VEZT: variants seen among roughly 807,000 people sequenced by gnomAD.
VEZT encodes vezatin.
VEZT carries 39 observed loss-of-function variants against 79.9 expected under a neutral mutation model. The ratio of observed to expected loss-of-function variants is 0.49; its 90% CI spans 0.38 to 0.64. The LOEUF is 0.64. Ranked by LOEUF, VEZT falls within the 30% of genes least tolerant of loss-of-function variation. The pLI is 0.00. For missense variants in VEZT, 837 were observed against 893.1 expected, an observed-to-expected ratio of 0.94 and a Z score of 0.80; for synonymous variants, 325 against 327.6, an observed-to-expected ratio of 0.99 and a Z score of 0.09.
At chr12:95,292,837 G>A (rs373027968) in intron 9 of VEZT, among the ~76,000 whole-genome samples, 21 of 135,680 alleles carry the variant, frequency 1.5e-4, no homozygotes, top group Middle Eastern at 5.0e-3. Flanking sequence ...GTGAGCCACT[G>A]TACCTGGCCC....
Position 95,274,756 on chromosome 12 carries a change from CTG to C in VEZT, c.864_865del (p.Ser290Ter). The C allele has an allele frequency of 6.2e-7, 1 of 1,612,552 alleles. No homozygotes were observed. The highest frequency in any genetic ancestry group is 8.5e-7 in the Non-Finnish European group (1 of 1,179,364). On this transcript the variant is annotated frameshift_variant, in exon 7 of 12. Transcript: ENST00000436874. LOFTEE classifies it high-confidence loss of function. ...CCTAATTTAACCTACCCCCTGAACTCTGAGAGTGACAATGTAACCAACTACAT... is the reference window on the plus strand; with the variant it reads ...CCTAATTTAACCTACCCCCTGAACTCAGAGTGACAATGTAACCAACTACAT...
At chr12:95,263,257 G>A (rs1246280792) in intron 4 of VEZT, among the ~76,000 whole-genome samples, 176 bp downstream of exon 4, 1 of 152,136 alleles carries the variant, frequency 6.6e-6, no homozygotes, top group Non-Finnish European at 1.5e-5. Context: ...TATTTAAAGT[G>A]AAGCTAGGGA....
At chr12:95,235,667 G>A (rs1343992835) in intron 1 of VEZT, among the ~76,000 whole-genome samples, 35 of 145,800 alleles carry the variant, frequency 2.4e-4, no homozygotes, top group African/African-American at 8.4e-4. Context: ...CCGGGCGGGG[G>A]GCTGACCCCC....
At chr12:95,290,435 A>G (rs2072445636) in intron 9 of VEZT, among the ~76,000 whole-genome samples, 1 of 152,228 alleles carries the variant, frequency 6.6e-6, no homozygotes, top group Non-Finnish European at 1.5e-5. Context: ...ACATCCATCC[A>G]TACAGTGAAA....
At chr12:95,268,165 C>A (rs2138651606) in intron 5 of VEZT, among the ~76,000 whole-genome samples, 2 of 152,014 alleles carry the variant, frequency 1.3e-5, no homozygotes, top group East Asian at 3.9e-4. Context: ...GTTTAAGTGT[C>A]AAATTTTAAA....
At chr12:95,237,431 C>G (rs2060348007) in intron 1 of VEZT, among the ~76,000 whole-genome samples, 1 of 152,096 alleles carries the variant, frequency 6.6e-6, no homozygotes, top group South Asian at 2.1e-4. Context: ...AGGAACTACA[C>G]TGGATCATCC....
At chr12:95,229,327 T>G (rs1488853032) in intron 1 of VEZT, among the ~76,000 whole-genome samples, 2 of 152,244 alleles carry the variant, frequency 1.3e-5, no homozygotes, top group Admixed American at 1.3e-4. Flanking sequence ...TTATTTTTTT[T>G]AGTTACCTTG....
chr12:95,244,559 G>C (rs532197280), intron 1 of VEZT, among the ~76,000 whole-genome samples: 1 of 150,816 alleles, frequency 6.6e-6, no homozygotes, highest in Non-Finnish European at 1.5e-5. Context: ...TGGGTGATAC[G>C]TCACTTTAGT....
chr12:95,251,543 T>G (rs1029426299), intron 1 of VEZT, among the ~76,000 whole-genome samples: 4 of 152,246 alleles, frequency 2.6e-5, no homozygotes, highest in Non-Finnish European at 4.4e-5. Context: ...CATTGTTTAA[T>G]TATTCTTGGC....
intron 8 of VEZT, among the ~76,000 whole-genome samples, 164 bp from the exon 9 acceptor site, chr12:95,287,500 A>G (rs1252186493): frequency 6.6e-6 from 1 of 152,038 alleles, no homozygotes; most frequent in African/African-American, 2.4e-5. Context: ...AAGGGGTTTC[A>G]CCATGTTGCC....
Position 95,222,836 on chromosome 12 carries a change from A to G in VEZT, c.36+4950A>G, listed in dbSNP as rs895528632. Among the ~76,000 whole-genome samples, 3 of 152,194 alleles carry G rather than the reference A, an allele frequency of 2.0e-5. No homozygotes were observed. The East Asian group carries it at 5.8e-4, about 29-fold the overall frequency. ...TGCTTGCCTTCTAAATGAATCAAGC[A>G]ACTTCTCATCTCGTTCTGTGCTCTA... is the stretch of plus-strand genomic sequence containing the variant. On this transcript the variant is annotated intron_variant, in intron 1 of 11. Transcript: ENST00000436874.
intron 9 of VEZT, among the ~76,000 whole-genome samples, chr12:95,291,389 TCCA>T (rs901072179): frequency 2.0e-5 from 3 of 152,228 alleles, no homozygotes; most frequent in African/African-American, 7.2e-5. Context: ...TGACTTTAAA[TCCA>T]CCTGTATTTT....
At chr12:95,295,960 A>T (rs7295441) in intron 10 of VEZT, 91 bp from the exon 11 acceptor site, 5 of 973,404 alleles carry the variant, frequency 5.1e-6, no homozygotes, top group African/African-American at 1.7e-5. Context: ...CTTTTTTTTT[A>T]ATCTCAGAGA....
chr12:95,273,357 G>A (rs903935393), intron 6 of VEZT, among the ~76,000 whole-genome samples: 1 of 152,128 alleles, frequency 6.6e-6, no homozygotes, highest in Non-Finnish European at 1.5e-5. Context: ...GTACATGCAT[G>A]CATATATACC....
intron 1 of VEZT, among the ~76,000 whole-genome samples, chr12:95,247,107 G>A (rs1213388144): frequency 2.0e-5 from 3 of 152,122 alleles, no homozygotes; most frequent in African/African-American, 7.2e-5. Context: ...TGAGTGATCA[G>A]GTTTTAATAC....
intron 3 of VEZT, among the ~76,000 whole-genome samples, chr12:95,258,947 A>G (rs888944174): frequency 6.6e-6 from 1 of 152,180 alleles, no homozygotes; most frequent in African/African-American, 2.4e-5. Context: ...CCATGCAGAA[A>G]GGAATTCCTA....
At chr12:95,264,206 T>C (rs375825513) in intron 4 of VEZT, among the ~76,000 whole-genome samples, 86 of 150,536 alleles carry the variant, frequency 5.7e-4, no homozygotes, top group African/African-American at 1.9e-3. Context: ...AAGCTTCTTA[T>C]CCTTCAAAAA....
chr12:95,241,011 C>G (rs1236900785), intron 1 of VEZT, among the ~76,000 whole-genome samples: 5 of 151,588 alleles, frequency 3.3e-5, no homozygotes, highest in African/African-American at 1.2e-4. Context: ...TCACATCCAC[C>G]CCACAGTTTT....
chr12:95,240,021 A>AAAGGAAGG (rs372963849), intron 1 of VEZT, among the ~76,000 whole-genome samples: 1,691 of 81,408 alleles, frequency 0.021, 38 homozygotes, highest in Admixed American at 0.065. Context: ...AGAGAGAAAG[A>AAAGGAAGG]AAGGAAGGAA....
Sources: allele counts gnomAD v4.1 joint callset (sites outside exome capture counted in the v4.1 genomes callset), GRCh38; gene constraint gnomAD v4.1.1; transcripts MANE v1.5; gene names NCBI Gene and HGNC (gene_info 2026-07-23, HGNC 2026-07-21).